Variants in PTPRQ observed in about 807,000 individuals in gnomAD.
PTPRQ encodes phosphatidylinositol phosphatase PTPRQ.
PTPRQ carries 199 observed loss-of-function variants against 246.0 expected under a neutral mutation model. The observed-to-expected ratio is 0.81, with a 90% CI of 0.72 to 0.91. The LOEUF is 0.91. PTPRQ is among the 40% of genes least tolerant of loss of function. The pLI is 0.00. For missense variants in PTPRQ, 2,624 were observed against 2,528.4 expected (o/e 1.04, Z -0.81); for synonymous variants, 869 against 853.2 (o/e 1.02, Z -0.32).
In PTPRQ at chr12:80,471,474, A is replaced by ATTTTTTTTTTTTTTTTTTTTTTTTT. The variant is rs1176393485; in HGVS notation, c.1040-614_1040-613insTTTTTTTTTTTTTTTTTTTTTTTTT. Among the ~76,000 whole-genome samples the ATTTTTTTTTTTTTTTTTTTTTTTTT allele has an allele frequency of 2.7e-5, 2 of 73,198 alleles. 1 individual carries two copies. The allele number at this position is 73,198 out of a possible 152,430, so 48.0% of individuals were successfully genotyped here. A position where few individuals can be genotyped will look rare whatever the true frequency, so the allele number is the denominator to read the frequency against. On this transcript the variant is annotated intron_variant, in intron 7 of 44. Transcript: ENST00000644991. ...ATAGAAGATAATGAAATTATTTAGC[A>ATTTTTTTTTTTTTTTTTTTTTTTTT]TTTTTTTTTTTTTTTTTATTTGAGA... is the stretch of plus-strand genomic sequence containing the variant.
chr12:80,646,396 A>T (rs1046117873), intron 35 of PTPRQ, among the ~76,000 whole-genome samples: 1 of 152,204 alleles, frequency 6.6e-6, no homozygotes, highest in African/African-American at 2.4e-5. Context: ...TAATTCACAA[A>T]TATCCACCCA....
In PTPRQ at chr12:80,610,078, A is replaced by G. The variant is rs138624813; in HGVS notation, c.4732-361A>G. Among the ~76,000 whole-genome samples the G allele has an allele frequency of 1.0e-4, 15 of 150,584 alleles. 2 individuals carry two copies. The highest frequency in any genetic ancestry group is 2.9e-4 in the African/African-American group (12 of 41,372). ...ATACTACAGGAGCTATAAGTGGCCAATTTGGGATTTGAGGCCTGTGTGATT... is the reference window on the plus strand; with the variant it reads ...ATACTACAGGAGCTATAAGTGGCCAGTTTGGGATTTGAGGCCTGTGTGATT... On this transcript the variant is annotated intron_variant, in intron 27 of 44. Coordinates refer to ENST00000644991, the MANE Select transcript of PTPRQ (RefSeq NM_001145026.2).
At position 80,594,251 on chromosome 12, in the gene PTPRQ, C is replaced by CT. The variant is rs1362234924; in HGVS notation, c.4609+5804dup. Among the ~76,000 whole-genome samples the CT allele has an allele frequency of 5.9e-5, 9 of 152,082 alleles. No homozygotes were observed. The South Asian group carries it at 1.2e-3, about 21-fold the overall frequency. The stretch of plus-strand genomic sequence containing the variant: ...TATAGTAACAGAGGTAGAAATTATC[C>CT]TTTTTATAAAGAAGCAATTATATAA... On this transcript the variant is annotated intron_variant, in intron 26 of 44. Coordinates refer to ENST00000644991, the MANE Select transcript of PTPRQ (RefSeq NM_001145026.2).
chr12:80,570,057 C>T (rs1266043109), intron 25 of PTPRQ, among the ~76,000 whole-genome samples: 1 of 152,132 alleles, frequency 6.6e-6, no homozygotes, highest in Non-Finnish European at 1.5e-5. Context: ...GTGCATGTGT[C>T]TTTATAGTAG....
chr12:80,585,153 A>G (rs1897569605), intron 25 of PTPRQ, among the ~76,000 whole-genome samples: 1 of 152,088 alleles, frequency 6.6e-6, no homozygotes, highest in African/African-American at 2.4e-5. Flanking sequence ...GGAATTTCAA[A>G]GTTAACCTAC....
rs12320544 is a variant in PTPRQ, at chr12:80,541,619, C to A, written c.3219C>A (p.Ser1073Arg). The change falls in exon 21 of 45, where the codon AGC becomes AGA. Residue 1073 changes from serine (S) to arginine (R), a missense_variant. Transcript: ENST00000644991. ...ESISSTAINV[S>R]WVPPAQPNGL... ...TTTCGTCAACTGCAATAAATGTAAG[C>A]TGGGTCCCACCGGCTCAACCAAACG... The A allele has an allele frequency of 6.5e-7, 1 of 1,547,422 alleles. No homozygotes were observed. The highest frequency in any genetic ancestry group is 1.2e-5 in the South Asian group (1 of 83,080).
Position 80,468,743 on chromosome 12 carries a change from G to T in PTPRQ, c.944G>T (p.Gly315Val). 1 of 1,549,196 alleles carries T rather than the reference G, an allele frequency of 6.5e-7. No individual in the cohort carries two copies. Among genetic ancestry groups the T allele is most frequent in the Non-Finnish European group, 8.7e-7 (1 of 1,146,000 alleles). Residue 315 changes from glycine (G) to valine (V), a missense_variant, in exon 7 of 45, where the codon GGC becomes GTC. By Grantham distance (109) the Gly-to-Val change is moderately radical. Coordinates refer to ENST00000644991, the MANE Select transcript of PTPRQ (RefSeq NM_001145026.2). ...PEGPPQNCVT[G>V]NITGKSFSIL... ...GGACCACCACAAAACTGCGTAACAG[G>T]CAACATCACAGGAAAGTCCTTTTCA...
chr12:80,642,153 T>C (rs1172374344), intron 35 of PTPRQ, among the ~76,000 whole-genome samples: 1 of 152,184 alleles, frequency 6.6e-6, no homozygotes, highest in Non-Finnish European at 1.5e-5. Flanking sequence ...CGTCATACTA[T>C]TTAAAGTAGA....
chr12:80,553,588 G>T (rs1031837540), intron 25 of PTPRQ, among the ~76,000 whole-genome samples: 1 of 152,048 alleles, frequency 6.6e-6, no homozygotes, highest in Non-Finnish European at 1.5e-5. Flanking sequence ...ACCTTCCAGG[G>T]ATTATTGGGT....
At chr12:80,607,527 T>G (rs763689776) in intron 27 of PTPRQ, among the ~76,000 whole-genome samples, 1 of 141,154 alleles carries the variant, frequency 7.1e-6, no homozygotes, top group African/African-American at 2.5e-5. Context: ...TTAAAATACT[T>G]CCAATGTACC....
chr12:80,517,571 T>C (rs1895343234), intron 17 of PTPRQ, among the ~76,000 whole-genome samples: 1 of 152,116 alleles, frequency 6.6e-6, no homozygotes, highest in African/African-American at 2.4e-5. Context: ...GTAGTCACCC[T>C]GTTGCACTGT....
At chr12:80,513,342 CTG>C (rs1164149168) in intron 17 of PTPRQ, among the ~76,000 whole-genome samples, 1 of 152,136 alleles carries the variant, frequency 6.6e-6, no homozygotes, top group African/African-American at 2.4e-5. Context: ...ACCCGCCAAA[CTG>C]TGCGTTGTTC....
At chr12:80,657,502 T>C (rs1207094914) in intron 38 of PTPRQ, among the ~76,000 whole-genome samples, 1 of 151,728 alleles carries the variant, frequency 6.6e-6, no homozygotes, top group East Asian at 1.9e-4. Context: ...AGTACACTCC[T>C]ATATATATGC....
At chr12:80,673,400 T>G in intron 43 of PTPRQ, 96 bp downstream of exon 43, 1 of 1,463,110 alleles carries the variant, frequency 6.8e-7, no homozygotes, top group Non-Finnish European at 9.0e-7. Context: ...AGCTTGAAGC[T>G]GTGGACACCT....
At chr12:80,575,839 C>CAAAAAAAAAAAAAA in intron 25 of PTPRQ, among the ~76,000 whole-genome samples, 1 of 47,124 alleles carries the variant, frequency 2.1e-5, no homozygotes, top group Non-Finnish European at 4.8e-5. Context: ...AACCCCATCT[C>CAAAAAAAAAAAAAA]AAAAAAAAAA....
At chr12:80,672,810 TG>T (rs1901012288) in intron 42 of PTPRQ, among the ~76,000 whole-genome samples, 1 of 152,128 alleles carries the variant, frequency 6.6e-6, no homozygotes, top group Admixed American at 6.6e-5. Flanking sequence ...GCATTTCTGC[TG>T]GTAACTGAAT....
chr12:80,620,530 A>C (rs1898942235), intron 32 of PTPRQ, among the ~76,000 whole-genome samples, 154 bp downstream of exon 32: 1 of 151,848 alleles, frequency 6.6e-6, no homozygotes, highest in Admixed American at 6.6e-5. Flanking sequence ...TAGAAAGATA[A>C]ACTGAAAATT....
intron 33 of PTPRQ, among the ~76,000 whole-genome samples, chr12:80,628,391 A>T (rs556504109): frequency 6.6e-6 from 1 of 152,146 alleles, no homozygotes; most frequent in African/African-American, 2.4e-5. Context: ...CCAATACAGG[A>T]CAAAAAGATG....
chr12:80,455,983 A>G (rs1227195718), intron 3 of PTPRQ, among the ~76,000 whole-genome samples: 2 of 152,156 alleles, frequency 1.3e-5, no homozygotes, highest in Non-Finnish European at 2.9e-5. Flanking sequence ...GCAGTGCTAA[A>G]TTAGGCCACA....
Sources: gnomAD v4.1 joint callset for allele counts (sites outside exome capture counted in the v4.1 genomes callset) on GRCh38, gnomAD v4.1.1 for gene constraint, MANE v1.5 for transcripts, NCBI Gene and HGNC (gene_info 2026-07-23, HGNC 2026-07-21) for gene names.